Variants in SDK1 observed in about 807,000 individuals in gnomAD.
The protein encoded by SDK1 is sidekick cell adhesion molecule 1, also known as protein sidekick-1.
A neutral mutation model predicts 245.5 loss-of-function variants in SDK1; 157 were observed. The observed-to-expected ratio is 0.64, with a 90% CI of 0.56 to 0.73. SDK1 has a LOEUF of 0.73. Ranked by LOEUF, SDK1 falls within the 30% of genes least tolerant of loss-of-function variation. The pLI, the probability that SDK1 is intolerant of heterozygous loss-of-function variation, is 0.00. For synonymous variants in SDK1, 1,647 were observed against 1,278.5 expected, an observed-to-expected ratio of 1.29 and a Z score of -6.15; for missense variants, 3,583 against 3,002.3, an observed-to-expected ratio of 1.19 and a Z score of -4.52.
At chr7:4,021,133 CG>C (rs1409138930) in intron 17 of SDK1, among the ~76,000 whole-genome samples, 1 of 152,108 alleles carries the variant, frequency 6.6e-6, no homozygotes, top group Non-Finnish European at 1.5e-5. Context: ...GCCCTGACCC[CG>C]AGGGTAGGGA....
intron 44 of SDK1, among the ~76,000 whole-genome samples, chr7:4,250,067 A>C (rs182537482): frequency 1.3e-5 from 2 of 152,232 alleles, no homozygotes; most frequent in African/African-American, 4.8e-5. Context: ...AGCCAACCCC[A>C]GCTCTTGGCA....
At chr7:3,679,525 C>G (rs1784031891) in intron 4 of SDK1, among the ~76,000 whole-genome samples, 1 of 151,856 alleles carries the variant, frequency 6.6e-6, no homozygotes, top group Non-Finnish European at 1.5e-5. Flanking sequence ...CGAGATCGTG[C>G]CACTGCACTC....
At chr7:3,598,968 C>G (rs931127507) in intron 1 of SDK1, among the ~76,000 whole-genome samples, 2 of 151,996 alleles carry the variant, frequency 1.3e-5, no homozygotes, top group African/African-American at 4.8e-5. Context: ...GATAAATGCC[C>G]AAGAGAACAG....
intron 1 of SDK1, among the ~76,000 whole-genome samples, chr7:3,420,013 C>G (rs1319692535): frequency 5.3e-5 from 8 of 152,174 alleles, no homozygotes; most frequent in Non-Finnish European, 1.2e-4. Context: ...AAACATGCCA[C>G]CCAAGCTTTG....
chr7:3,489,441 A>G (rs1178028230), intron 1 of SDK1, among the ~76,000 whole-genome samples: 1 of 152,214 alleles, frequency 6.6e-6, no homozygotes, highest in East Asian at 1.9e-4. Context: ...TCCTGTTAGT[A>G]TATCAGATAT....
Position 4,077,204 on chromosome 7 carries a change from G to T in SDK1, c.3202+15G>T. ...AGTGCCCCCAGGTCAGTAGAATCGT[G>T]TGCGGTCCTCCTGCTGTCACCTTTC... On this transcript the variant is annotated intron_variant, in intron 21 of 44. Transcript: ENST00000404826. The T allele has an allele frequency of 6.2e-7, 1 of 1,611,314 alleles. No homozygotes were observed. Among genetic ancestry groups the T allele is most frequent in the Non-Finnish European group, 8.5e-7 (1 of 1,177,978 alleles).
At chr7:4,238,281 T>C (rs1271940484) in intron 42 of SDK1, among the ~76,000 whole-genome samples, 2 of 151,906 alleles carry the variant, frequency 1.3e-5, no homozygotes, top group East Asian at 3.9e-4. Flanking sequence ...GGTTTCACCA[T>C]GTTGGCCAGG....
At chr7:3,964,249 G>A (rs933484041) in intron 9 of SDK1, among the ~76,000 whole-genome samples, 1 of 152,206 alleles carries the variant, frequency 6.6e-6, no homozygotes, top group Admixed American at 6.5e-5. Context: ...TGTGGGTCCT[G>A]TGGGGAAACT....
intron 1 of SDK1, among the ~76,000 whole-genome samples, chr7:3,489,183 T>G (rs10252736): frequency 0.74 from 112,862 of 151,956 alleles, 42,677 homozygotes; most frequent in African/African-American, 0.89. Context: ...TAGGGGTGGG[T>G]GCAGGCAGGT....
At chr7:4,178,031 TGA>T (rs1356559798) in intron 34 of SDK1, among the ~76,000 whole-genome samples, 1 of 152,090 alleles carries the variant, frequency 6.6e-6, no homozygotes, top group Non-Finnish European at 1.5e-5. Context: ...TGCACTTCTG[TGA>T]GAGTCTAAGC....
chr7:3,432,645 T>C (rs1458736181), intron 1 of SDK1, among the ~76,000 whole-genome samples: 1 of 152,224 alleles, frequency 6.6e-6, no homozygotes, highest in Non-Finnish European at 1.5e-5. Context: ...ATACTTGAAT[T>C]TTAATAGGAA....
At chr7:4,184,707 G>C (rs1401690012) in intron 35 of SDK1, among the ~76,000 whole-genome samples, 1 of 152,236 alleles carries the variant, frequency 6.6e-6, no homozygotes, top group Non-Finnish European at 1.5e-5. Context: ...CTACAAATTG[G>C]TAAAAATAAT....
intron 1 of SDK1, among the ~76,000 whole-genome samples, chr7:3,521,549 G>A (rs73035941): frequency 0.097 from 14,717 of 152,198 alleles, 968 homozygotes; most frequent in African/African-American, 0.18. Context: ...AAGCACTTAT[G>A]TTAGTGTTTT....
At chr7:3,649,101 C>G (rs1000080186) in intron 4 of SDK1, among the ~76,000 whole-genome samples, 3 of 152,058 alleles carry the variant, frequency 2.0e-5, no homozygotes, top group Non-Finnish European at 4.4e-5. Flanking sequence ...AGGCATCCCA[C>G]GTGTGCCCCT....
chr7:3,738,192 A>C (rs895695238), intron 4 of SDK1, among the ~76,000 whole-genome samples: 35 of 152,194 alleles, frequency 2.3e-4, no homozygotes, highest in Non-Finnish European at 4.4e-5. Flanking sequence ...TCTTAGGTTT[A>C]AATCTTTGTT....
intron 43 of SDK1, 48 bp from the exon 44 acceptor site, chr7:4,245,628 G>A: frequency 6.3e-7 from 1 of 1,598,644 alleles, no homozygotes. Context: ...CTCCGGGGAA[G>A]GGCGTCTTTT....
chr7:4,100,212 G>A (rs1488162210), intron 22 of SDK1, among the ~76,000 whole-genome samples: 1 of 152,210 alleles, frequency 6.6e-6, no homozygotes, highest in Non-Finnish European at 1.5e-5. Context: ...GATCTGATGG[G>A]AGGGAGGGAC....
At position 4,224,975 on chromosome 7, in the gene SDK1, T is replaced by C. The variant is rs189266930; in HGVS notation, c.5827+3611T>C. ...TCTAGCCTGGGCAACAGAGTGAGAC[T>C]CTGTCTCAAAAAAAAAAAAAAAAAA... On this transcript the variant is annotated intron_variant, in intron 40 of 44. Transcript: ENST00000404826. Among the ~76,000 whole-genome samples, 77 of 97,106 alleles carry C rather than the reference T, an allele frequency of 7.9e-4. 1 individual carries two copies. The Admixed American group carries it at 0.01, about 13-fold the overall frequency. The allele number at this position is 97,106 out of a possible 152,430, so 63.7% of individuals were successfully genotyped here. A position where few individuals can be genotyped will look rare whatever the true frequency, so the allele number is the denominator to read the frequency against.
intron 1 of SDK1, among the ~76,000 whole-genome samples, chr7:3,537,231 G>C (rs1334178313): frequency 6.6e-6 from 1 of 152,172 alleles, no homozygotes; most frequent in Non-Finnish European, 1.5e-5. Context: ...ATGCACTCTT[G>C]TGTCTGACTA....
Sources: allele counts gnomAD v4.1 joint callset (sites outside exome capture counted in the v4.1 genomes callset), GRCh38; gene constraint gnomAD v4.1.1; transcripts MANE v1.5; gene names NCBI Gene and HGNC (gene_info 2026-07-23, HGNC 2026-07-21).